The following RRAGC variants were observed in gnomAD, a reference collection of about 807,000 sequenced individuals.
The protein encoded by RRAGC is Ras related GTP binding C.
RRAGC carries 8 observed loss-of-function variants against 37.1 expected under a neutral mutation model. The ratio of observed to expected loss-of-function variants is 0.22; its 90% confidence interval spans 0.13 to 0.39. The LOEUF (loss-of-function observed/expected upper bound fraction) is 0.39. Among genes scored for constraint, RRAGC ranks in the 10% least tolerant of loss-of-function variants. RRAGC has a pLI of 1.00. For missense variants in RRAGC, 342 were observed against 497.6 expected (o/e 0.69, Z 2.98); for synonymous variants, 190 against 181.1 (o/e 1.05, Z -0.39).
At chr1:38,857,330 C>T (rs1193686536) in intron 1 of RRAGC, among the ~76,000 whole-genome samples, 2 of 152,186 alleles carry the variant, frequency 1.3e-5, no homozygotes, top group African/African-American at 2.4e-5. Flanking sequence ...GCACCATACT[C>T]AGTACTAATA....
At chr1:38,852,548 T>C (rs901777638) in intron 3 of RRAGC, 60 bp from the exon 4 acceptor site, 10 of 782,774 alleles carry the variant, frequency 1.3e-5, no homozygotes, top group African/African-American at 3.5e-5. Flanking sequence ...ATGACAACTA[T>C]TATAATACAT....
chr1:38,841,925 A>T (rs1021176028), intron 6 of RRAGC, among the ~76,000 whole-genome samples: 4 of 152,196 alleles, frequency 2.6e-5, no homozygotes, highest in Admixed American at 2.0e-4. Context: ...TCACAAGGTC[A>T]GGAGATCAAG....
intron 5 of RRAGC, among the ~76,000 whole-genome samples, chr1:38,850,741 T>C (rs1642091242): frequency 6.6e-6 from 1 of 152,058 alleles, no homozygotes. Context: ...GCAAAGATAA[T>C]GCTAAAACAT....
chr1:38,855,447 C>G (rs1238509864), intron 3 of RRAGC, among the ~76,000 whole-genome samples: 1 of 152,024 alleles, frequency 6.6e-6, no homozygotes, highest in Non-Finnish European at 1.5e-5. Flanking sequence ...AACAGCCTGA[C>G]TCCAGTCTCT....
At chr1:38,845,541 G>A (rs566017731) in intron 6 of RRAGC, among the ~76,000 whole-genome samples, 10 of 152,264 alleles carry the variant, frequency 6.6e-5, no homozygotes, top group Middle Eastern at 6.8e-3. Context: ...GGGTTGATGA[G>A]TGCAGCAAAC....
At chr1:38,858,899 C>T (rs1642199310) in intron 1 of RRAGC, among the ~76,000 whole-genome samples, 1 of 152,250 alleles carries the variant, frequency 6.6e-6, no homozygotes, top group Non-Finnish European at 1.5e-5. Flanking sequence ...CTACCCAATT[C>T]CCAGTAATGC....
At chr1:38,856,322 C>T (rs986662575) in intron 2 of RRAGC, among the ~76,000 whole-genome samples, 6 of 152,150 alleles carry the variant, frequency 3.9e-5, no homozygotes, top group Non-Finnish European at 5.9e-5. Context: ...AGGTCCTGTA[C>T]GTGAAGGCAC....
chr1:38,845,316 T>C (rs1284554727), intron 6 of RRAGC, among the ~76,000 whole-genome samples: 1 of 152,204 alleles, frequency 6.6e-6, no homozygotes, highest in Non-Finnish European at 1.5e-5. Flanking sequence ...TGAGTTCATG[T>C]CCTTTGCAGG....
chr1:38,847,503 G>C (rs74064926), intron 5 of RRAGC: 3 of 151,784 alleles, frequency 2.0e-5, no homozygotes, highest in Admixed American at 6.6e-5. Context: ...AGTTGTTAGT[G>C]GTTGACTTGA....
intron 3 of RRAGC, among the ~76,000 whole-genome samples, chr1:38,855,255 G>A (rs777660109): frequency 6.6e-6 from 1 of 152,168 alleles, no homozygotes; most frequent in African/African-American, 2.4e-5. Context: ...AATAAAAAGA[G>A]TCAGTCCAGA....
At chr1:38,855,425 A>G (rs1642156628) in intron 3 of RRAGC, among the ~76,000 whole-genome samples, 1 of 152,214 alleles carries the variant, frequency 6.6e-6, no homozygotes, top group African/African-American at 2.4e-5. Context: ...AAGCAGATTT[A>G]TGCCATGAAG....
chr1:38,855,143 A>C (rs1043641329), intron 3 of RRAGC, among the ~76,000 whole-genome samples: 1 of 152,246 alleles, frequency 6.6e-6, no homozygotes, highest in African/African-American at 2.4e-5. Context: ...GCCAAACTTT[A>C]TAGAGTTTCA....
intron 6 of RRAGC, among the ~76,000 whole-genome samples, chr1:38,844,503 C>A (rs1054212535): frequency 6.9e-6 from 1 of 144,444 alleles, no homozygotes; most frequent in Non-Finnish European, 1.5e-5. Flanking sequence ...AACAAACACA[C>A]AAAATATCCC....
chr1:38,851,803 CA>C, intron 4 of RRAGC, 46 bp from the exon 5 acceptor site: 1 of 1,516,594 alleles, frequency 6.6e-7, no homozygotes, highest in South Asian at 1.2e-5. Context: ...TTAAGAATCA[CA>C]ATTTACAACT....
At chr1:38,859,380 G>T in intron 1 of RRAGC, 30 bp downstream of exon 1, 1 of 1,537,402 alleles carries the variant, frequency 6.5e-7, no homozygotes, top group Non-Finnish European at 8.8e-7. Flanking sequence ...ACCGGGGAGG[G>T]GGCGGGGGAC....
chr1:38,849,180 G>C (rs892179609), intron 5 of RRAGC, among the ~76,000 whole-genome samples: 1 of 152,146 alleles, frequency 6.6e-6, no homozygotes, highest in African/African-American at 2.4e-5. Context: ...AGGAGGCTGA[G>C]GTGGGAGGAT....
intron 5 of RRAGC, chr1:38,847,649 C>T (rs1411278581): frequency 6.6e-6 from 1 of 151,988 alleles, no homozygotes; most frequent in Admixed American, 6.6e-5. Context: ...CTCACAACAA[C>T]CCTGAGGACA....
At chr1:38,845,800 G>C in intron 6 of RRAGC, 139 bp downstream of exon 6, 1 of 632,140 alleles carries the variant, frequency 1.6e-6, no homozygotes, top group Non-Finnish European at 2.7e-6. Context: ...TGGAAGGAAA[G>C]GGACAAAAGC....
chr1:38,859,734 C>A lies in RRAGC; in HGVS notation c.-88G>T. On this transcript the variant is annotated 5_prime_UTR_variant, in exon 1 of 7. Transcript: ENST00000373001. ...CTCCCCAGTCCGCCTCCGCCGCCGCCGCCACCACCGCCACCGCCCCCGGCA... is the reference window on the plus strand; with the variant it reads ...CTCCCCAGTCCGCCTCCGCCGCCGCAGCCACCACCGCCACCGCCCCCGGCA... The A allele has an allele frequency of 9.2e-7, 1 of 1,092,624 alleles. No individual in the cohort carries two copies. Among genetic ancestry groups the A allele is most frequent in the Non-Finnish European group, 1.2e-6 (1 of 864,300 alleles). The allele number at this position is 1,092,624 out of a possible 1,614,324, so 67.7% of individuals were successfully genotyped here.
Sources: allele counts gnomAD v4.1 joint callset (sites outside exome capture counted in the v4.1 genomes callset), GRCh38; gene constraint gnomAD v4.1.1; transcripts MANE v1.5; gene names NCBI Gene and HGNC (gene_info 2026-07-23, HGNC 2026-07-21).